Variants in ISLR2 observed in about 807,000 individuals in gnomAD.
ISLR2 encodes the protein immunoglobulin superfamily containing leucine rich repeat 2, also known as immunoglobulin superfamily containing leucine-rich repeat protein 2.
In ISLR2, 16 loss-of-function variants were observed where a neutral mutation model predicts 25.5. The ratio of observed to expected loss-of-function variants is 0.63; its 90% CI spans 0.43 to 0.95. ISLR2 has a LOEUF of 0.95. ISLR2 is among the 40% of genes least tolerant of loss of function. The pLI, the probability that ISLR2 is intolerant of heterozygous loss-of-function variation, is 0.00. For synonymous variants in ISLR2, 508 were observed against 486.6 expected, an observed-to-expected ratio of 1.04 and a Z score of -0.58; for missense variants, 883 against 1,030.7, an observed-to-expected ratio of 0.86 and a Z score of 1.96.
At chr15:74,107,204 AG>A (rs1449126815) in intron 2 of ISLR2, among the ~76,000 whole-genome samples, 1 of 152,180 alleles carries the variant, frequency 6.6e-6, no homozygotes, top group African/African-American at 2.4e-5. Flanking sequence ...GCCAAGGAGA[AG>A]TTGCTCCACC....
downstream of ISLR2, among the ~76,000 whole-genome samples, chr15:74,140,392 T>G (rs1339949783): frequency 1.3e-5 from 2 of 152,134 alleles, no homozygotes; most frequent in Non-Finnish European, 2.9e-5. Flanking sequence ...TTTTGGTAGG[T>G]AGAGGGAAAG....
At chr15:74,110,579 A>G (rs1295707977) in intron 2 of ISLR2, among the ~76,000 whole-genome samples, 3 of 151,460 alleles carry the variant, frequency 2.0e-5, no homozygotes, top group Non-Finnish European at 4.4e-5. Context: ...GCACTTTGGG[A>G]GGCCAAGGTG....
chr15:74,128,518 G>A (rs749028176), upstream of ISLR2: 44 of 456,618 alleles, frequency 9.6e-5, no homozygotes, highest in South Asian at 4.5e-4. Flanking sequence ...CCTGGTCCTC[G>A]GGCCCCGAAG....
At chr15:74,113,308 A>T (rs1328865526) in intron 2 of ISLR2, among the ~76,000 whole-genome samples, 2 of 151,870 alleles carry the variant, frequency 1.3e-5, no homozygotes. Flanking sequence ...ACACCACCAC[A>T]CCCAACTCAG....
At chr15:74,123,113 C>A (rs559393031) in intron 2 of ISLR2, among the ~76,000 whole-genome samples, 16 of 152,240 alleles carry the variant, frequency 1.1e-4, no homozygotes, top group Admixed American at 9.2e-4. Context: ...CTGAATCTTG[C>A]TATGGAAAGA....
At chr15:74,131,871 G>C (rs2072428520) in intron 2 of ISLR2, 2 of 152,276 alleles carry the variant, frequency 1.3e-5, no homozygotes, top group African/African-American at 4.8e-5. Context: ...TTTGGCCTTA[G>C]ATGCAGTAGG....
Position 74,134,436 on chromosome 15 carries a change from G to T in ISLR2, c.1682G>T (p.Gly561Val), listed in dbSNP as rs1487268578. The T allele has an allele frequency of 1.2e-6, 2 of 1,612,204 alleles. No individual in the cohort carries two copies. The highest frequency in any genetic ancestry group is 1.7e-6 in the Non-Finnish European group (2 of 1,179,780). The change falls in exon 3 of 3, where the codon GGT becomes GTT. Residue 561 changes from glycine to valine, a missense_variant. Coordinates refer to ENST00000453268, the MANE Select transcript of ISLR2 (RefSeq NM_020851.3). ...TACTGGTTCCGCGGCCTGCGGCCGG[G>T]TACCAACTACTCCGTGTGCCTGGCG... is the stretch of plus-strand genomic sequence containing the variant. Reference protein sequence around the residue: ...NAYWFRGLRPGTNYSVCLALA... With the variant: ...NAYWFRGLRPVTNYSVCLALA...
chr15:74,105,784 A>G (rs370289832), intron 2 of ISLR2, among the ~76,000 whole-genome samples: 101 of 152,244 alleles, frequency 6.6e-4, no homozygotes, highest in Middle Eastern at 3.4e-3. Context: ...CTATATTGTC[A>G]AGATGCCCAC....
Position 74,134,892 on chromosome 15 carries a change from T to G in ISLR2, c.2138T>G (p.Phe713Cys), listed in dbSNP as rs2072534886. 1 of 1,613,770 alleles carries G rather than the reference T, an allele frequency of 6.2e-7. No individual in the cohort carries two copies. Among genetic ancestry groups the G allele is most frequent in the African/African-American group, 1.3e-5 (1 of 74,908 alleles). ...CAGTCCAAGGCCAACCAAGAGGAGT[T>G]CGAGGCGGGCTCTGAGTACAGCGAT... ...ESQSKANQEE[F>C]EAGSEYSDRL... Residue 713 changes from phenylalanine (F) to cysteine (C), a missense_variant, in exon 3 of 3, where the codon TTC (phenylalanine) becomes TGC (cysteine). Around this residue, in one of 2 missense-constraint regions of ISLR2, gnomAD observed 612 missense variants for 642.8 expected, o/e 0.95. Coordinates refer to ENST00000453268, the MANE Select transcript of ISLR2 (RefSeq NM_020851.3).
Position 74,133,068 on chromosome 15 carries a change from A to G in ISLR2, c.314A>G (p.Asp105Gly). 1 of 1,613,040 alleles carries G rather than the reference A, an allele frequency of 6.2e-7. No individual in the cohort carries two copies. The highest frequency in any genetic ancestry group is 1.7e-5 in the Admixed American group (1 of 60,030). ...GTGCTGAGTCAGCTCAAGAACCTCG[A>G]TCTGAGCCACAACTTCATATCCAGC... ...LAVLSQLKNL[D>G]LSHNFISSFP... Residue 105 changes from aspartate to glycine, a missense_variant, in exon 3 of 3, where the codon GAT becomes GGT. Physicochemically the swap from Asp to Gly is moderately conservative, Grantham distance 94 (BLOSUM62 -1). Around this residue, in one of 2 missense-constraint regions of ISLR2, gnomAD observed 271 missense variants for 387.9 expected, o/e 0.70. Transcript: ENST00000453268.
At position 74,132,508 on chromosome 15, in the gene ISLR2, G is replaced by GA. The variant is rs1437178805; in HGVS notation, c.-8-233dup. Among the ~76,000 whole-genome samples the GA allele has an allele frequency of 6.6e-6, 1 of 152,100 alleles. No homozygotes were observed. Among genetic ancestry groups the GA allele is most frequent in the Non-Finnish European group, 1.5e-5 (1 of 68,008 alleles). On this transcript the variant is annotated intron_variant, in intron 2 of 2. Coordinates refer to ENST00000453268, the MANE Select transcript of ISLR2 (RefSeq NM_020851.3). The surrounding 1 kb of genome is among the most constrained non-coding windows in gnomAD (Gnocchi z 4.3). The stretch of plus-strand genomic sequence containing the variant: ...CAGCGTGAAGGAAGGAGTAGGAAGA[G>GA]AAAAAAGGGCGATATACCGGGCCGC...
chr15:74,106,172 C>T (rs2072118309), intron 2 of ISLR2, among the ~76,000 whole-genome samples: 1 of 152,126 alleles, frequency 6.6e-6, no homozygotes, highest in Admixed American at 6.5e-5. Flanking sequence ...GCCTGGATGA[C>T]AGAGCAAGAC....
At chr15:74,119,595 A>G (rs1249663269) in intron 2 of ISLR2, among the ~76,000 whole-genome samples, 2 of 152,150 alleles carry the variant, frequency 1.3e-5, no homozygotes, top group Non-Finnish European at 2.9e-5. Context: ...AAGCAAATAG[A>G]TCTTAAATGT....
At chr15:74,116,310 T>C (rs897350531) in intron 2 of ISLR2, among the ~76,000 whole-genome samples, 6 of 150,854 alleles carry the variant, frequency 4.0e-5, no homozygotes, top group African/African-American at 1.5e-4. Context: ...CCTGTAATCA[T>C]GCCAGCACTT....
At chr15:74,109,123 A>G (rs569769545) in intron 2 of ISLR2, among the ~76,000 whole-genome samples, 1 of 152,254 alleles carries the variant, frequency 6.6e-6, no homozygotes, top group Non-Finnish European at 1.5e-5. Context: ...TCTCTCCCTA[A>G]GTAACTGCTT....
chr15:74,141,702 A>G (rs1200992415), downstream of ISLR2, among the ~76,000 whole-genome samples: 1 of 152,160 alleles, frequency 6.6e-6, no homozygotes, highest in Non-Finnish European at 1.5e-5. Context: ...AGGCAAAGAA[A>G]CCAAAGAGCA....
At chr15:74,126,372 T>TG (rs1491520613), upstream of ISLR2, 1 of 139,606 alleles carries the variant, frequency 7.2e-6, no homozygotes, top group Non-Finnish European at 1.5e-5. Context: ...TTTTTTTTTT[T>TG]GAGACAGAGT....
intron 1 of ISLR2, chr15:74,103,805 TAGTA>T (rs1414719468): frequency 7.3e-6 from 1 of 136,454 alleles, no homozygotes; most frequent in Non-Finnish European, 1.6e-5. Context: ...GTTCTCATGA[TAGTA>T]AGTGAGTTCT....
chr15:74,128,545 A>G (rs1245795125), upstream of ISLR2: 1 of 456,610 alleles, frequency 2.2e-6, no homozygotes, highest in East Asian at 7.0e-5. Context: ...GGTTGCTTAT[A>G]GGACGGGTTC....
Sources: gnomAD v4.1 joint callset for allele counts (sites outside exome capture counted in the v4.1 genomes callset) on GRCh38, gnomAD v4.1.1 for gene constraint, gnomAD v4.1.1 regional missense constraint, Gnocchi (gnomAD v3.1) non-coding constraint, MANE v1.5 for transcripts, NCBI Gene and HGNC (gene_info 2026-07-23, HGNC 2026-07-21) for gene names.